The following ZNF438 variants were observed in gnomAD, a reference collection of about 807,000 sequenced individuals.
ZNF438 encodes the protein zinc finger protein 438.
In ZNF438, 25 loss-of-function variants were observed where a neutral mutation model predicts 38.0. That is an observed-to-expected ratio of 0.66 (90% CI 0.48 to 0.92). ZNF438 has a LOEUF of 0.92. Ranked by LOEUF, ZNF438 falls within the 40% of genes least tolerant of loss-of-function variation. The pLI is 0.00. For synonymous variants in ZNF438, 372 were observed against 364.1 expected (o/e 1.02, Z -0.25); for missense variants, 1,007 against 999.6 (o/e 1.01, Z -0.10).
intron 1 of ZNF438, among the ~76,000 whole-genome samples, chr10:30,953,281 T>C (rs569574977): frequency 3.2e-4 from 49 of 151,826 alleles, no homozygotes; most frequent in Middle Eastern, 3.4e-3. Flanking sequence ...AGGGATAACA[T>C]TGGGAGATAT....
At chr10:31,002,824 G>C (rs886937776) in intron 1 of ZNF438, among the ~76,000 whole-genome samples, 3 of 152,132 alleles carry the variant, frequency 2.0e-5, no homozygotes, top group Admixed American at 1.3e-4. Flanking sequence ...CCCTACAAAA[G>C]AATTACAAAG....
chr10:30,951,413 A>G (rs903672164), intron 1 of ZNF438, among the ~76,000 whole-genome samples: 39 of 151,460 alleles, frequency 2.6e-4, no homozygotes, highest in African/African-American at 9.2e-4. Context: ...ATTAGGCAGG[A>G]GAAGGAAATA....
chr10:30,968,502 G>A (rs1445880638), intron 1 of ZNF438, among the ~76,000 whole-genome samples: 1 of 138,500 alleles, frequency 7.2e-6, no homozygotes, highest in Non-Finnish European at 1.5e-5. Flanking sequence ...GGAGTGCAAT[G>A]GTGTGATCTC....
At chr10:30,911,147 A>G (rs1033687373) in intron 2 of ZNF438, among the ~76,000 whole-genome samples, 1 of 152,150 alleles carries the variant, frequency 6.6e-6, no homozygotes, top group Non-Finnish European at 1.5e-5. Context: ...CTATTTAGTA[A>G]GGTTTACAAA....
At chr10:30,964,035 G>C (rs1302042809) in intron 1 of ZNF438, among the ~76,000 whole-genome samples, 1 of 152,122 alleles carries the variant, frequency 6.6e-6, no homozygotes, top group Non-Finnish European at 1.5e-5. Context: ...GATCCTTATA[G>C]TAGCTGAAAT....
chr10:30,877,417 C>A (rs2994666), intron 3 of ZNF438, among the ~76,000 whole-genome samples: 94,105 of 151,872 alleles, frequency 0.62, 29,817 homozygotes, highest in African/African-American at 0.75. Flanking sequence ...AAATAGCTAA[C>A]ATGCTTAACA....
intron 2 of ZNF438, among the ~76,000 whole-genome samples, chr10:30,915,325 C>T (rs2134699339): frequency 6.6e-6 from 1 of 152,092 alleles, no homozygotes; most frequent in East Asian, 1.9e-4. Flanking sequence ...GCTTTTCTTA[C>T]AAGATATTGC....
At position 30,844,930 on chromosome 10, in the gene ZNF438, T is replaced by C. The variant is rs1266383160; in HGVS notation, c.*31A>G. On this transcript the variant is annotated 3_prime_UTR_variant, in exon 6 of 6. Coordinates refer to ENST00000413025, the Ensembl canonical transcript of ZNF438. ...CTCTGAAGGAAGGTGGCGGCAGAGC[T>C]CTCTCCTTAACCCCAGGCTGCCTTG... The C allele has an allele frequency of 1.9e-6, 3 of 1,596,214 alleles. No individual in the cohort carries two copies. The African/African-American group carries it at 4.0e-5, about 21-fold the overall frequency.
chr10:30,897,197 T>C (rs1393255055), intron 3 of ZNF438, among the ~76,000 whole-genome samples: 1 of 152,224 alleles, frequency 6.6e-6, no homozygotes, highest in African/African-American at 2.4e-5. Flanking sequence ...ACACTGTATA[T>C]CTGGGTAGTT....
At chr10:30,925,497 T>C (rs948835982) in intron 2 of ZNF438, among the ~76,000 whole-genome samples, 25 of 152,304 alleles carry the variant, frequency 1.6e-4, no homozygotes, top group African/African-American at 5.5e-4. Context: ...AGATGCAATA[T>C]AGTATTATGT....
intron 4 of ZNF438, among the ~76,000 whole-genome samples, chr10:30,873,986 A>G (rs2037912071): frequency 6.6e-6 from 1 of 152,004 alleles, no homozygotes; most frequent in African/African-American, 2.4e-5. Context: ...TGTTAAATAA[A>G]TCAATCTGCA....
At chr10:31,016,133 A>C (rs561153532) in intron 1 of ZNF438, among the ~76,000 whole-genome samples, 1 of 152,314 alleles carries the variant, frequency 6.6e-6, no homozygotes, top group African/African-American at 2.4e-5. Flanking sequence ...AAGAACTCTA[A>C]AGCAAGAAAG....
At chr10:30,948,086 T>A (rs1285590247) in intron 1 of ZNF438, among the ~76,000 whole-genome samples, 1 of 152,166 alleles carries the variant, frequency 6.6e-6, no homozygotes, top group Non-Finnish European at 1.5e-5. Flanking sequence ...AGTGGGTCCC[T>A]GACCCCTGAC....
intron 1 of ZNF438, among the ~76,000 whole-genome samples, chr10:31,012,650 C>T (rs1462246741): frequency 6.6e-6 from 1 of 152,148 alleles, no homozygotes; most frequent in Non-Finnish European, 1.5e-5. Flanking sequence ...TGACTGCATA[C>T]ACCAACTCTG....
At chr10:30,867,866 T>C (rs905649766) in intron 4 of ZNF438, among the ~76,000 whole-genome samples, 1 of 152,170 alleles carries the variant, frequency 6.6e-6, no homozygotes, top group African/African-American at 2.4e-5. Context: ...TCACTAGCTG[T>C]CAACATTAGA....
intron 1 of ZNF438, among the ~76,000 whole-genome samples, chr10:31,014,975 A>G (rs1055152563): frequency 2.0e-5 from 3 of 152,130 alleles, no homozygotes; most frequent in Non-Finnish European, 4.4e-5. Flanking sequence ...CCCCCACTTC[A>G]GCCTCCTGAG....
intron 5 of ZNF438, among the ~76,000 whole-genome samples, chr10:30,846,805 T>C (rs2032249788): frequency 6.6e-6 from 1 of 152,124 alleles, no homozygotes; most frequent in African/African-American, 2.4e-5. Flanking sequence ...GAAGGCCCCT[T>C]TCCCCCCACG....
rs550594712 is a variant in ZNF438 at position 30,862,729 on chromosome 10, T to G, written c.38-12362A>C. 3.3e-5 allele frequency among the ~76,000 whole-genome samples: 5 copies of G among 152,324 alleles called. No homozygotes were observed. In the East Asian group the frequency reaches 9.6e-4, roughly 29 times the overall value. The stretch of plus-strand genomic sequence containing the variant: ...GAAAGATAAGGTTTCAACATCAGAA[T>G]GTGAAGTCAGTTGGAACAATTAAAC... On this transcript the variant is annotated intron_variant, in intron 4 of 5. Coordinates refer to ENST00000413025, the Ensembl canonical transcript of ZNF438.
At chr10:30,846,650 C>T (rs1277543120) in intron 5 of ZNF438, among the ~76,000 whole-genome samples, 1 of 152,212 alleles carries the variant, frequency 6.6e-6, no homozygotes, top group African/African-American at 2.4e-5. Context: ...CTGCCTGCAG[C>T]TGCCCAAGCT....
Sources: gnomAD v4.1 joint callset for allele counts (sites outside exome capture counted in the v4.1 genomes callset) on GRCh38, gnomAD v4.1.1 for gene constraint, MANE v1.5 for transcripts, NCBI Gene and HGNC (gene_info 2026-07-23, HGNC 2026-07-21) for gene names.